MSI2: variants seen among roughly 807,000 people sequenced by gnomAD.
MSI2 encodes the protein RNA-binding protein Musashi homolog 2.
In MSI2, 17 loss-of-function variants were observed where a neutral mutation model predicts 45.6. The observed-to-expected ratio is 0.37, with a 90% confidence interval of 0.26 to 0.56. The LOEUF (loss-of-function observed/expected upper bound fraction) is 0.56. MSI2 is among the 20% of genes least tolerant of loss of function. The probability of loss-of-function intolerance (pLI) is 0.77; values close to 1 mark genes in which losing one functional copy is unlikely to be tolerated. For synonymous variants in MSI2, 156 were observed against 158.2 expected (o/e 0.99, Z 0.11); for missense variants, 293 against 444.2 (o/e 0.66, Z 3.06).
At chr17:57,258,199 T>C in intron 3 of MSI2, 71 bp from the exon 4 acceptor site, 1 of 1,369,290 alleles carries the variant, frequency 7.3e-7, no homozygotes, top group Non-Finnish European at 1.0e-6. Flanking sequence ...CAGCCTTAGG[T>C]CTCACTCCTG....
downstream of MSI2, among the ~76,000 whole-genome samples, chr17:57,687,675 A>G (rs918963259): frequency 2.0e-5 from 3 of 152,142 alleles, no homozygotes; most frequent in Non-Finnish European, 2.9e-5. Context: ...GCACCATTTA[A>G]ACTATTCCAG....
chr17:57,358,512 G>A (rs574970753), intron 5 of MSI2, among the ~76,000 whole-genome samples: 1 of 152,282 alleles, frequency 6.6e-6, no homozygotes, highest in Non-Finnish European at 1.5e-5. Context: ...GGAAAAGTGA[G>A]ATTGGAGAAG....
At chr17:57,301,480 A>G (rs1465204097) in intron 5 of MSI2, among the ~76,000 whole-genome samples, 3 of 152,256 alleles carry the variant, frequency 2.0e-5, no homozygotes, top group Non-Finnish European at 2.9e-5. Flanking sequence ...TAGAAGGAGA[A>G]TATTACCAAT....
At chr17:57,507,225 CTG>C (rs71140002) in intron 6 of MSI2, among the ~76,000 whole-genome samples, 5,384 of 50,654 alleles carry the variant, frequency 0.11, 385 homozygotes, top group African/African-American at 0.16. Context: ...CTTTGTCTCT[CTG>C]TGTGTGTGTG....
chr17:57,620,578 G>T (rs1341867025), intron 9 of MSI2, among the ~76,000 whole-genome samples: 1 of 152,170 alleles, frequency 6.6e-6, no homozygotes, highest in Non-Finnish European at 1.5e-5. Flanking sequence ...ACCACCCAAG[G>T]CTGAGAACCT....
At chr17:57,283,071 C>T (rs1909566265) in intron 5 of MSI2, among the ~76,000 whole-genome samples, 1 of 152,070 alleles carries the variant, frequency 6.6e-6, no homozygotes. Flanking sequence ...CTCTGTACCT[C>T]TTTAAATAAT....
chr17:57,542,167 G>A (rs979923707), intron 7 of MSI2, among the ~76,000 whole-genome samples: 4 of 152,158 alleles, frequency 2.6e-5, no homozygotes, highest in African/African-American at 9.7e-5. Context: ...CCCCGCTGCT[G>A]GGTGTTCATT....
At chr17:57,271,822 T>C (rs1908403819) in intron 5 of MSI2, among the ~76,000 whole-genome samples, 1 of 151,378 alleles carries the variant, frequency 6.6e-6, no homozygotes, top group African/African-American at 2.4e-5. Flanking sequence ...GTAGTGATGT[T>C]GAATAAAGCA....
chr17:57,487,293 A>C (rs2085774203), intron 6 of MSI2, among the ~76,000 whole-genome samples: 1 of 152,190 alleles, frequency 6.6e-6, no homozygotes, highest in Non-Finnish European at 1.5e-5. Context: ...CACACAGGTG[A>C]GTGGCCTGTT....
At chr17:57,269,409 G>A (rs1457482306) in intron 5 of MSI2, among the ~76,000 whole-genome samples, 2 of 152,192 alleles carry the variant, frequency 1.3e-5, no homozygotes, top group Admixed American at 6.5e-5. Flanking sequence ...TAGGACCATG[G>A]CGGATGCTGT....
At chr17:57,334,800 A>AT (rs1483752667) in intron 5 of MSI2, among the ~76,000 whole-genome samples, 2 of 151,972 alleles carry the variant, frequency 1.3e-5, no homozygotes, top group African/African-American at 4.8e-5. Flanking sequence ...TCTCAAAAAA[A>AT]AAAATAAATA....
chr17:57,333,937 T>C (rs1914488470), intron 5 of MSI2, among the ~76,000 whole-genome samples: 1 of 152,186 alleles, frequency 6.6e-6, no homozygotes, highest in African/African-American at 2.4e-5. Flanking sequence ...CAATGAGGGC[T>C]TTACCCCAGT....
At chr17:57,545,060 A>G (rs953867358) in intron 7 of MSI2, among the ~76,000 whole-genome samples, 1 of 152,170 alleles carries the variant, frequency 6.6e-6, no homozygotes, top group Non-Finnish European at 1.5e-5. Flanking sequence ...AGAAACAAGC[A>G]CGTTTGGTGG....
chr17:57,293,290 G>A (rs776110643), intron 5 of MSI2, among the ~76,000 whole-genome samples: 2 of 151,986 alleles, frequency 1.3e-5, no homozygotes, highest in African/African-American at 2.4e-5. Flanking sequence ...TCCTGCTTCC[G>A]GCTTGGAGTA....
At chr17:57,597,099 A>G in intron 8 of MSI2, 149 bp downstream of exon 8, 2 of 614,490 alleles carry the variant, frequency 3.3e-6, no homozygotes, top group South Asian at 3.9e-5. Flanking sequence ...TGTGAACAGT[A>G]GCAGTTGTTT....
chr17:57,595,276 A>G (rs1402802525), intron 7 of MSI2, among the ~76,000 whole-genome samples: 1 of 151,742 alleles, frequency 6.6e-6, no homozygotes, highest in Non-Finnish European at 1.5e-5. Context: ...CAATTATCAT[A>G]ATATAATTGT....
intron 5 of MSI2, among the ~76,000 whole-genome samples, chr17:57,333,864 G>A (rs184015838): frequency 2.0e-5 from 3 of 152,278 alleles, no homozygotes; most frequent in Non-Finnish European, 1.5e-5. Flanking sequence ...AAAAGATGAA[G>A]TACTTTCTCT....
In MSI2 at chr17:57,529,654, G is replaced by A; in HGVS notation, c.406-22G>A. The A allele has an allele frequency of 1.2e-6, 2 of 1,610,720 alleles. No homozygotes were observed. The highest frequency in any genetic ancestry group is 1.3e-5 in the African/African-American group (1 of 74,780). On this transcript the variant is annotated intron_variant, in intron 6 of 13. Transcript: ENST00000284073. The surrounding 1 kb of genome is among the most constrained non-coding windows in gnomAD (Gnocchi z 5.3). ...TTTCTTAAAATTCCTAAGGCAGCCTGTATTCTATATTTGTTTTGCAGGTGG... is the reference window on the plus strand; with the variant it reads ...TTTCTTAAAATTCCTAAGGCAGCCTATATTCTATATTTGTTTTGCAGGTGG...
chr17:57,365,230 A>G (rs933383504), intron 5 of MSI2, among the ~76,000 whole-genome samples: 17 of 152,288 alleles, frequency 1.1e-4, no homozygotes, highest in African/African-American at 4.1e-4. Context: ...CTGAGGCACA[A>G]TGGTTTTTTA....
Sources: allele counts gnomAD v4.1 joint callset (sites outside exome capture counted in the v4.1 genomes callset), GRCh38; gene constraint gnomAD v4.1.1; non-coding constraint Gnocchi (gnomAD v3.1); transcripts MANE v1.5; gene names NCBI Gene and HGNC (gene_info 2026-07-23, HGNC 2026-07-21).